Variants in COG7 observed in about 807,000 individuals in gnomAD.
COG7 encodes the protein component of oligomeric golgi complex 7.
In COG7, 49 loss-of-function variants were observed where a neutral mutation model predicts 91.5. The ratio of observed to expected loss-of-function variants is 0.54; its 90% confidence interval spans 0.43 to 0.68. COG7 has a LOEUF of 0.68. Ranked by LOEUF, COG7 falls within the 30% of genes least tolerant of loss-of-function variation. The pLI, the probability that COG7 is intolerant of heterozygous loss-of-function variation, is 0.00. For missense variants in COG7, 895 were observed against 961.3 expected, an observed-to-expected ratio of 0.93 and a Z score of 0.91; for synonymous variants, 365 against 388.7, an observed-to-expected ratio of 0.94 and a Z score of 0.72.
chr16:23,392,597 G>C, intron 15 of COG7, 74 bp from the exon 16 acceptor site: 1 of 1,577,846 alleles, frequency 6.3e-7, no homozygotes, highest in Non-Finnish European at 8.7e-7. Flanking sequence ...GTACCAGGAA[G>C]CTTCTGATCT....
At chr16:23,420,946 G>T (rs1963746449) in intron 7 of COG7, among the ~76,000 whole-genome samples, 1 of 143,134 alleles carries the variant, frequency 7.0e-6, no homozygotes, top group Non-Finnish European at 1.5e-5. Flanking sequence ...TAGAGATGGG[G>T]TATATGTTTC....
rs151046176 is a variant in COG7 at position 23,442,100 on chromosome 16, G to A, written c.604+377C>T. Reference sequence around the variant, plus strand: ...GTTAATCCCAGCACTTTGGGAGGCCGAGGCGAGGGGATCACCTGAGGTCAG... The same window carrying A: ...GTTAATCCCAGCACTTTGGGAGGCCAAGGCGAGGGGATCACCTGAGGTCAG... On this transcript the variant is annotated intron_variant, in intron 4 of 16. Coordinates refer to ENST00000307149, the MANE Select transcript of COG7 (RefSeq NM_153603.4). Among the ~76,000 whole-genome samples, 22 of 152,168 alleles carry A rather than the reference G, an allele frequency of 1.4e-4. No homozygotes were observed. In the East Asian group the frequency reaches 2.5e-3, roughly 17 times the overall value.
intron 3 of COG7, among the ~76,000 whole-genome samples, chr16:23,443,915 GC>G (rs1964141935): frequency 1.3e-5 from 2 of 152,044 alleles, no homozygotes; most frequent in Non-Finnish European, 2.9e-5. Flanking sequence ...ACTTTGGGAG[GC>G]CGAGGAGGGC....
At chr16:23,417,839 T>C (rs374920978) in intron 8 of COG7, among the ~76,000 whole-genome samples, 7 of 152,194 alleles carry the variant, frequency 4.6e-5, no homozygotes, top group Non-Finnish European at 4.4e-5. Context: ...GGTGCAAGTA[T>C]GGCACTGAAG....
intron 11 of COG7, 58 bp downstream of exon 11, chr16:23,410,237 C>A (rs1963540114): frequency 1.4e-6 from 2 of 1,445,614 alleles, no homozygotes; most frequent in Non-Finnish European, 1.9e-6. Flanking sequence ...TGTACTAGAC[C>A]AAGCTCGTGC....
rs186114489 is a variant in COG7 at position 23,403,851 on chromosome 16, C to T, written c.1663-17G>A. 7 of 1,614,126 alleles carry T rather than the reference C, an allele frequency of 4.3e-6. No individual in the cohort carries two copies. In the East Asian group the frequency reaches 1.3e-4, roughly 31 times the overall value. Reference sequence around the variant, plus strand: ...CCCTTTTTCCTAAGACAAGAAAATGCAAAAGGCAGTTGTTAGGCCTGAAAC... The same window carrying T: ...CCCTTTTTCCTAAGACAAGAAAATGTAAAAGGCAGTTGTTAGGCCTGAAAC... On this transcript the variant is annotated splice_polypyrimidine_tract_variant and intron_variant, in intron 12 of 16. Coordinates refer to ENST00000307149, the MANE Select transcript of COG7 (RefSeq NM_153603.4).
At chr16:23,436,042 T>C (rs967521681) in intron 4 of COG7, among the ~76,000 whole-genome samples, 2 of 151,946 alleles carry the variant, frequency 1.3e-5, no homozygotes, top group African/African-American at 2.4e-5. Context: ...TTCAAAAATG[T>C]CCTAGGCAAC....
chr16:23,389,100 G>C lies in COG7; in HGVS notation c.2147-14C>G. 6.2e-7 allele frequency: 1 copy of C among 1,613,100 alleles called. No individual in the cohort carries two copies. The highest frequency in any genetic ancestry group is 8.5e-7 in the Non-Finnish European group (1 of 1,179,788). ...TGATCAGATAGTCTGTGGGGGCGGA[G>C]AGGAGACAGACAGAGCTCCACAGAC... On this transcript the variant is annotated splice_polypyrimidine_tract_variant and intron_variant, in intron 16 of 16. Transcript: ENST00000307149.
intron 6 of COG7, among the ~76,000 whole-genome samples, chr16:23,431,757 C>T (rs893691287): frequency 7.1e-6 from 1 of 141,580 alleles, no homozygotes; most frequent in Non-Finnish European, 1.5e-5. Flanking sequence ...TGCAGGGAGC[C>T]AAGATTGTGT....
At chr16:23,447,547 T>C (rs1964200986) in intron 1 of COG7, among the ~76,000 whole-genome samples, 1 of 151,404 alleles carries the variant, frequency 6.6e-6, no homozygotes, top group Non-Finnish European at 1.5e-5. Context: ...CTGAAATCCC[T>C]GCATAGCACT....
In COG7 at chr16:23,403,780, G is replaced by A. The variant is rs548129734; in HGVS notation, c.1717C>T (p.Arg573Trp). The change falls in exon 13 of 17, where the codon CGG becomes TGG. Residue 573 changes from arginine to tryptophan, a missense_variant. Physicochemically the swap from Arg to Trp is moderately radical, Grantham distance 101. Coordinates refer to ENST00000307149, the MANE Select transcript of COG7 (RefSeq NM_153603.4). ...AGCTGGTGGGCCTGCTGGTTAAGCCGAGTCAGCGCTGCTCGAGGTGCAGCC... is the reference window on the plus strand; with the variant it reads ...AGCTGGTGGGCCTGCTGGTTAAGCCAAGTCAGCGCTGCTCGAGGTGCAGCC... ...LLAAPRAALT[R>W]LNQQAHQLAF... The A allele has an allele frequency of 2.5e-5, 40 of 1,614,208 alleles. No homozygotes were observed. Among genetic ancestry groups the A allele is most frequent in the East Asian group, 6.7e-5 (3 of 44,892 alleles).
intron 6 of COG7, among the ~76,000 whole-genome samples, chr16:23,426,904 G>C (rs1963857888): frequency 6.6e-6 from 1 of 151,152 alleles, no homozygotes; most frequent in South Asian, 2.1e-4. Flanking sequence ...GTTCACAGAT[G>C]ACATTATTTT....
chr16:23,409,968 A>C (rs996628918), intron 11 of COG7, among the ~76,000 whole-genome samples: 1 of 152,214 alleles, frequency 6.6e-6, no homozygotes, highest in East Asian at 1.9e-4. Context: ...TTTTAGTCCC[A>C]ACAACTAATT....
Position 23,434,569 on chromosome 16 carries a change from C to T in COG7, c.687+67G>A, listed in dbSNP as rs532465657. The T allele has an allele frequency of 2.2e-5, 26 of 1,194,734 alleles. No homozygotes were observed. The East Asian group carries it at 4.7e-4, about 21-fold the overall frequency. 74.0% of individuals were successfully genotyped at this position (1,194,734 alleles called of 1,614,324 possible). ...TCTTACCTTCTGAATTATGAACCTGCGATTCTGTGACCCAGAGTTATGAGC... is the reference window on the plus strand; with the variant it reads ...TCTTACCTTCTGAATTATGAACCTGTGATTCTGTGACCCAGAGTTATGAGC... On this transcript the variant is annotated intron_variant, in intron 5 of 16. Coordinates refer to ENST00000307149, the MANE Select transcript of COG7 (RefSeq NM_153603.4).
chr16:23,418,638 C>T lies in COG7; in HGVS notation c.1137+62G>A, dbSNP rs180801693. ...TCCCAACCCCCAGCCCTCTCCCAGA[C>T]GTGGCCAAGACCCTGGCTAACAGAA... On this transcript the variant is annotated intron_variant, in intron 8 of 16. Coordinates refer to ENST00000307149, the MANE Select transcript of COG7 (RefSeq NM_153603.4). 5.8e-4 allele frequency: 909 copies of T among 1,567,736 alleles called. 2 individuals carry two copies. The highest frequency in any genetic ancestry group is 1.9e-3 in the East Asian group (86 of 44,644).
intron 7 of COG7, among the ~76,000 whole-genome samples, chr16:23,421,431 TTATAA>T (rs1038038717): frequency 2.7e-5 from 4 of 149,926 alleles, no homozygotes; most frequent in Non-Finnish European, 5.9e-5. Context: ...TTGTTGCTTT[TTATAA>T]TATATTTAAT....
Position 23,388,926 on chromosome 16 carries a change from A to G in COG7, c.2307T>C (p.Asn769=). The change falls in exon 17 of 17, where the codon AAT becomes AAC. Residue 769 remains asparagine, a synonymous_variant. Transcript: ENST00000307149. ...GGTCCGGTGTGTGGTGGGGTCAGTA[A>G]TTCACACTCCGCATGGTGGCCACGG... is the stretch of plus-strand genomic sequence containing the variant. ...ATTVATMRSV[N]Y 1 of 1,613,884 alleles carries G rather than the reference A, an allele frequency of 6.2e-7. No homozygotes were observed. The highest frequency in any genetic ancestry group is 8.5e-7 in the Non-Finnish European group (1 of 1,179,904).
chr16:23,437,889 A>T (rs1044114008), intron 4 of COG7, among the ~76,000 whole-genome samples: 1 of 152,034 alleles, frequency 6.6e-6, no homozygotes, highest in African/African-American at 2.4e-5. Flanking sequence ...GATTGAGACC[A>T]TCCTGGCCAA....
chr16:23,417,148 C>T (rs760235917), intron 8 of COG7, 27 bp from the exon 9 acceptor site: 63 of 1,613,312 alleles, frequency 3.9e-5, no homozygotes, highest in Non-Finnish European at 5.1e-5. Flanking sequence ...GACAAAGCTG[C>T]ATTAGGCTTT....
Sources: gnomAD v4.1 joint callset for allele counts (sites outside exome capture counted in the v4.1 genomes callset) on GRCh38, gnomAD v4.1.1 for gene constraint, MANE v1.5 for transcripts, NCBI Gene and HGNC (gene_info 2026-07-23, HGNC 2026-07-21) for gene names.